MED12L: variants seen among roughly 807,000 people sequenced by gnomAD.
MED12L encodes the protein mediator of RNA polymerase II transcription subunit 12-like protein.
Under a neutral mutation model 281.3 loss-of-function variants are expected in MED12L, and 60 were observed. That is an observed-to-expected ratio of 0.21 (90% confidence interval 0.17 to 0.26). The LOEUF is 0.26. Ranked by LOEUF, MED12L falls within the 10% of genes least tolerant of loss-of-function variation. The pLI, the probability that MED12L is intolerant of heterozygous loss-of-function variation, is 1.00. For synonymous variants in MED12L, 974 were observed against 987.2 expected (o/e 0.99, Z 0.25); for missense variants, 2,146 against 2,680.9 (o/e 0.80, Z 4.41).
Position 151,422,342 on chromosome 3 carries a change from A to T in MED12L, c.6408+5920A>T, listed in dbSNP as rs148489111. 5.7e-3 allele frequency among the ~76,000 whole-genome samples: 871 copies of T among 152,290 alleles called. 7 individuals are homozygous for T. Among genetic ancestry groups the T allele is most frequent in the Non-Finnish European group, 8.8e-3 (601 of 68,020 alleles). Reference sequence around the variant, plus strand: ...CTGTTTTGGAGGCCAGAAATCCAAGATTAAGGTGTCAGCAGGGTTGTTGGT... The same window carrying T: ...CTGTTTTGGAGGCCAGAAATCCAAGTTTAAGGTGTCAGCAGGGTTGTTGGT... On this transcript the variant is annotated intron_variant, in intron 43 of 44. Coordinates refer to ENST00000687756, the MANE Select transcript of MED12L (RefSeq NM_001393769.1).
At chr3:151,406,385 G>A (rs773957768) in intron 39 of MED12L, among the ~76,000 whole-genome samples, 45 of 152,304 alleles carry the variant, frequency 3.0e-4, no homozygotes, top group Admixed American at 9.1e-4. Flanking sequence ...GAAAAACAAA[G>A]AAAAGTAGGA....
Position 151,365,126 on chromosome 3 carries a change from C to T in MED12L, c.3105C>T (p.Leu1035=). The change falls in exon 22 of 45, where the codon CTC becomes CTT. Residue 1035 remains leucine, a synonymous_variant. Transcript: ENST00000687756. ...SINYSMLGKI[L]SDNAANRYSF... is the part of the protein sequence containing the mutation. ...ACTACTCAATGCTGGGCAAGATCCTCAGTGACAATGCGGCCAATCGCTACA... is the reference window on the plus strand; with the variant it reads ...ACTACTCAATGCTGGGCAAGATCCTTAGTGACAATGCGGCCAATCGCTACA... The T allele has an allele frequency of 6.2e-7, 1 of 1,614,058 alleles. No individual in the cohort carries two copies. Among genetic ancestry groups the T allele is most frequent in the Non-Finnish European group, 8.5e-7 (1 of 1,179,954 alleles).
intron 16 of MED12L, chr3:151,219,658 C>CA (rs1315790305): frequency 6.6e-6 from 1 of 152,046 alleles, no homozygotes; most frequent in Admixed American, 6.5e-5. Context: ...TTACACAAAA[C>CA]AAAAAACCAA....
intron 20 of MED12L, among the ~76,000 whole-genome samples, chr3:151,357,675 G>A (rs73006595): frequency 6.6e-6 from 1 of 152,104 alleles, no homozygotes; most frequent in Non-Finnish European, 1.5e-5. Flanking sequence ...CAGCATCCTG[G>A]CATATTATGA....
intron 16 of MED12L, among the ~76,000 whole-genome samples, chr3:151,275,068 C>T (rs1051911246): frequency 6.6e-6 from 1 of 152,164 alleles, no homozygotes; most frequent in Middle Eastern, 3.2e-3. Context: ...TGAGTTCTTT[C>T]CAGCCAGGTG....
chr3:151,297,287 C>G (rs373503189), intron 16 of MED12L, among the ~76,000 whole-genome samples: 7 of 152,242 alleles, frequency 4.6e-5, no homozygotes, highest in African/African-American at 1.7e-4. Context: ...ATCATAAGAT[C>G]CAAATCAGTA....
chr3:151,368,794 C>G (rs541611749), intron 25 of MED12L, among the ~76,000 whole-genome samples: 85 of 141,712 alleles, frequency 6.0e-4, no homozygotes, highest in African/African-American at 2.1e-3. Flanking sequence ...CAAAGTCTTA[C>G]TGTGTCACCC....
chr3:151,364,830 A>G, intron 21 of MED12L, 149 bp from the exon 22 acceptor site: 1 of 608,730 alleles, frequency 1.6e-6, no homozygotes, highest in Non-Finnish European at 2.9e-6. Flanking sequence ...AGCGCCAATT[A>G]GTAAGAAGTT....
chr3:151,292,802 A>G (rs896321617), intron 16 of MED12L, among the ~76,000 whole-genome samples: 5 of 152,074 alleles, frequency 3.3e-5, no homozygotes, highest in African/African-American at 9.7e-5. Context: ...CTCCTCCTCT[A>G]TATATATACG....
chr3:151,279,823 G>A lies in MED12L; in HGVS notation c.2251-70236G>A, dbSNP rs571324080. Among the ~76,000 whole-genome samples the A allele has an allele frequency of 2.0e-4, 30 of 152,302 alleles. No individual in the cohort carries two copies. In the South Asian group the frequency reaches 2.9e-3, roughly 15 times the overall value. On this transcript the variant is annotated intron_variant, in intron 16 of 44. Transcript: ENST00000687756. ...GGCAGGAACCGTATCTCTAAGGTGC[G>A]ACTCTCAAGACTTCCCTGATTTATT...
At chr3:151,313,952 T>C (rs1022598352) in intron 16 of MED12L, among the ~76,000 whole-genome samples, 6 of 152,046 alleles carry the variant, frequency 3.9e-5, no homozygotes, top group African/African-American at 1.2e-4. Context: ...TGATAAAATA[T>C]GCAGTAATCT....
At chr3:151,200,285 G>A (rs376533291) in intron 16 of MED12L, among the ~76,000 whole-genome samples, 1 of 152,034 alleles carries the variant, frequency 6.6e-6, no homozygotes, top group South Asian at 2.1e-4. Context: ...CCTTTGACCT[G>A]GTCTATTCAA....
At chr3:151,112,527 C>T (rs1712074071) in intron 2 of MED12L, among the ~76,000 whole-genome samples, 1 of 152,120 alleles carries the variant, frequency 6.6e-6, no homozygotes, top group African/African-American at 2.4e-5. Context: ...TGCCAGTGCT[C>T]CAGGGCCATG....
chr3:151,356,403 A>G (rs1402182353), intron 19 of MED12L, among the ~76,000 whole-genome samples: 1 of 152,130 alleles, frequency 6.6e-6, no homozygotes, highest in East Asian at 1.9e-4. Flanking sequence ...AAAATAAATA[A>G]ATAAATAAAA....
intron 42 of MED12L, 106 bp from the exon 43 acceptor site, chr3:151,416,206 T>A: frequency 6.3e-7 from 1 of 1,591,742 alleles, no homozygotes; most frequent in Non-Finnish European, 8.6e-7. Flanking sequence ...ATATATTGTT[T>A]TTACTACAAC....
intron 16 of MED12L, chr3:151,294,363 A>T: frequency 6.2e-7 from 1 of 1,614,112 alleles, no homozygotes; most frequent in Non-Finnish European, 8.5e-7. Flanking sequence ...ATTTCTTTGC[A>T]GTAATATAGG....
At chr3:151,430,411 A>G (rs773597014) in intron 44 of MED12L, 31 bp downstream of exon 44, 3 of 1,609,870 alleles carry the variant, frequency 1.9e-6, no homozygotes, top group Non-Finnish European at 1.7e-6. Flanking sequence ...TGGAACAGAC[A>G]GCTCCCGGAA....
At chr3:151,401,864 A>G (rs1715724359) in intron 39 of MED12L, among the ~76,000 whole-genome samples, 1 of 152,140 alleles carries the variant, frequency 6.6e-6, no homozygotes. Flanking sequence ...CTTATTACTT[A>G]TATCTGGTAT....
chr3:151,421,078 T>C (rs2108423253), intron 43 of MED12L, among the ~76,000 whole-genome samples: 1 of 152,256 alleles, frequency 6.6e-6, no homozygotes, highest in Non-Finnish European at 1.5e-5. Context: ...AGCCAGGTCA[T>C]CCTTTATGAG....
Sources: gnomAD v4.1 joint callset for allele counts (sites outside exome capture counted in the v4.1 genomes callset) on GRCh38, gnomAD v4.1.1 for gene constraint, MANE v1.5 for transcripts, NCBI Gene and HGNC (gene_info 2026-07-23, HGNC 2026-07-21) for gene names.